Variants in FAM184A observed in about 807,000 individuals in gnomAD.
FAM184A encodes the protein protein FAM184A.
A neutral mutation model predicts 143.8 loss-of-function variants in FAM184A; 99 were observed. The ratio of observed to expected loss-of-function variants is 0.69; its 90% CI spans 0.58 to 0.81. The LOEUF (loss-of-function observed/expected upper bound fraction) is 0.81, where lower values mean the gene tolerates loss of function less well. Among genes scored for constraint, FAM184A ranks in the 40% least tolerant of loss-of-function variants. The probability of loss-of-function intolerance (pLI) is 0.00; values close to 1 mark genes in which losing one functional copy is unlikely to be tolerated. For synonymous variants in FAM184A, 427 were observed against 446.4 expected (o/e 0.96, Z 0.55); for missense variants, 1,217 against 1,310.5 (o/e 0.93, Z 1.10).
At chr6:118,980,753 GA>G (rs2114583029) in intron 9 of FAM184A, among the ~76,000 whole-genome samples, 1 of 152,300 alleles carries the variant, frequency 6.6e-6, no homozygotes, top group East Asian at 1.9e-4. Flanking sequence ...GTAGTAAAGT[GA>G]AATAGGAGTG....
chr6:119,100,079 C>G (rs1004860948), intron 1 of FAM184A, among the ~76,000 whole-genome samples: 2 of 152,134 alleles, frequency 1.3e-5, no homozygotes, highest in African/African-American at 4.8e-5. Context: ...TTGGAGGACA[C>G]CCAGCTGGTA....
At chr6:118,991,836 C>T (rs371731263) in intron 9 of FAM184A, among the ~76,000 whole-genome samples, 1 of 139,500 alleles carries the variant, frequency 7.2e-6, no homozygotes, top group Non-Finnish European at 1.5e-5. Flanking sequence ...GATCTCGGCT[C>T]TCTGCAAGCT....
rs1161845617 is a variant in FAM184A at position 118,979,378 on chromosome 6, T to A, written c.2442A>T (p.Gly814=). The A allele has an allele frequency of 6.2e-7, 1 of 1,610,300 alleles. No individual in the cohort carries two copies. The highest frequency in any genetic ancestry group is 1.3e-5 in the African/African-American group (1 of 74,724). The change falls in exon 11 of 18, where the codon GGA becomes GGT. Residue 814 remains glycine, a synonymous_variant. Coordinates refer to ENST00000338891, the MANE Select transcript of FAM184A (RefSeq NM_024581.6). ...QTLRFELEDE[G]KAMLASLRSE... ...TTTTCAAAATACCAAGCATAGCCTT[T>A]CCTTCATCTTCTAATTCAAACCGAA... is the stretch of plus-strand genomic sequence containing the variant.
At chr6:118,993,005 G>A (rs1015830632) in intron 9 of FAM184A, among the ~76,000 whole-genome samples, 1 of 152,170 alleles carries the variant, frequency 6.6e-6, no homozygotes, top group South Asian at 2.1e-4. Context: ...TGTTATTGCA[G>A]TCCAAGTGAA....
Position 119,078,288 on chromosome 6 carries a change from C to T in FAM184A, c.12G>A (p.Pro4=). 1 of 1,498,140 alleles carries T rather than the reference C, an allele frequency of 6.7e-7. No homozygotes were observed. 92.8% of individuals were successfully genotyped at this position (1,498,140 alleles called of 1,614,324 possible). The change falls in exon 1 of 18, where the codon CCG becomes CCA. Residue 4 remains proline, a synonymous_variant. Coordinates refer to ENST00000338891, the MANE Select transcript of FAM184A (RefSeq NM_024581.6). This position sits in a 1 kb window ranked among gnomAD's most constrained non-coding sequence, Gnocchi z 5.5. The part of the protein sequence containing the change: MAT[P]GMSWQQHYYG... Reference sequence around the variant, plus strand: ...AATAGTGCTGCTGCCAGCTCATGCCCGGGGTCGCCATCTTCCCAACAGACC... The same window carrying T: ...AATAGTGCTGCTGCCAGCTCATGCCTGGGGTCGCCATCTTCCCAACAGACC...
intron 1 of FAM184A, among the ~76,000 whole-genome samples, chr6:119,077,097 T>G (rs1343379781): frequency 6.6e-6 from 1 of 152,180 alleles, no homozygotes; most frequent in Non-Finnish European, 1.5e-5. Flanking sequence ...CTTTTCAACC[T>G]TTTTTCACTC....
intron 1 of FAM184A, among the ~76,000 whole-genome samples, chr6:119,098,039 C>A (rs1156406938): frequency 6.6e-6 from 1 of 152,092 alleles, no homozygotes; most frequent in Admixed American, 6.6e-5. Flanking sequence ...TGTCCACACC[C>A]CAGTCTCATC....
At chr6:119,109,000 A>T (rs1039248977) in intron 1 of FAM184A, among the ~76,000 whole-genome samples, 1 of 150,810 alleles carries the variant, frequency 6.6e-6, no homozygotes, top group Non-Finnish European at 1.5e-5. Flanking sequence ...CAAGCCAAAC[A>T]TCTGCATCCT....
At chr6:118,989,023 A>G (rs1002141576) in intron 9 of FAM184A, among the ~76,000 whole-genome samples, 4 of 136,728 alleles carry the variant, frequency 2.9e-5, no homozygotes, top group Non-Finnish European at 4.5e-5. Context: ...GTGCAGTGGC[A>G]CGATCTCGGC....
intron 1 of FAM184A, among the ~76,000 whole-genome samples, chr6:119,110,381 CTT>C (rs1378770149): frequency 6.6e-6 from 1 of 152,140 alleles, no homozygotes; most frequent in Non-Finnish European, 1.5e-5. Context: ...GAAAGCAAAA[CTT>C]TTGATTTCCA....
At position 118,974,416 on chromosome 6, in the gene FAM184A, AAT is replaced by A. The variant is rs1783785990; in HGVS notation, c.2915+10_2915+11del. On this transcript the variant is annotated intron_variant, in intron 14 of 17. Coordinates refer to ENST00000338891, the MANE Select transcript of FAM184A (RefSeq NM_024581.6). Reference sequence around the variant, plus strand: ...TATCCACATATGAATTTTCTTATATAATATGACTTACGACACTTGTAAAGCGG... The same window carrying A: ...TATCCACATATGAATTTTCTTATATAATGACTTACGACACTTGTAAAGCGG... The A allele has an allele frequency of 6.2e-7, 1 of 1,602,412 alleles. No individual in the cohort carries two copies. Among genetic ancestry groups the A allele is most frequent in the East Asian group, 2.2e-5 (1 of 44,634 alleles).
intron 1 of FAM184A, chr6:119,025,415 T>G (rs775435186): frequency 3.9e-6 from 2 of 517,800 alleles, no homozygotes; most frequent in African/African-American, 1.9e-5. Flanking sequence ...GATCTCTTTA[T>G]AAAATCCAAT....
intron 13 of FAM184A, 47 bp from the exon 14 acceptor site, chr6:118,974,621 C>A: frequency 6.9e-7 from 1 of 1,457,646 alleles, no homozygotes; most frequent in South Asian, 1.3e-5. Context: ...TGAAGTCAAG[C>A]TTTCAAAACT....
At chr6:119,127,062 G>T (rs574222064) in intron 1 of FAM184A, among the ~76,000 whole-genome samples, 42 of 152,286 alleles carry the variant, frequency 2.8e-4, no homozygotes, top group African/African-American at 9.9e-4. Context: ...GATGGTGGGT[G>T]GGACAGGCCA....
intron 1 of FAM184A, among the ~76,000 whole-genome samples, chr6:119,063,323 A>G (rs896123270): frequency 1.3e-5 from 2 of 152,150 alleles, no homozygotes; most frequent in Non-Finnish European, 1.5e-5. Context: ...AAAAAACTTA[A>G]GCACAATAAG....
chr6:119,032,407 G>A (rs1785907895), intron 1 of FAM184A, among the ~76,000 whole-genome samples: 1 of 148,978 alleles, frequency 6.7e-6, no homozygotes, highest in African/African-American at 2.5e-5. Flanking sequence ...AACAGTGACT[G>A]CCAGTCTCAG....
At chr6:119,005,896 T>C (rs1277401452) in intron 7 of FAM184A, 7 of 522,318 alleles carry the variant, frequency 1.3e-5, no homozygotes, top group Non-Finnish European at 2.1e-5. Context: ...TTGCTGTATA[T>C]GAGAGTTCTA....
chr6:119,007,000 G>A (rs1044628494), intron 6 of FAM184A, among the ~76,000 whole-genome samples: 2 of 152,102 alleles, frequency 1.3e-5, no homozygotes, highest in Admixed American at 6.6e-5. Context: ...TATTTCATTT[G>A]AGTCCATATC....
chr6:119,003,751 C>T lies in FAM184A; in HGVS notation c.1816-129G>A, dbSNP rs977245450. ...TCTTACAGCCCAATACTTGATAATG[C>T]TATCTGTGAAAATGACTCAAGATTT... On this transcript the variant is annotated intron_variant, in intron 7 of 17. Transcript: ENST00000338891. 4 of 844,096 alleles carry T rather than the reference C, an allele frequency of 4.7e-6. No individual in the cohort carries two copies. The African/African-American group carries it at 5.3e-5, about 11-fold the overall frequency. 52.3% of individuals were successfully genotyped at this position (844,096 alleles called of 1,614,324 possible). A position where few individuals can be genotyped will look rare whatever the true frequency, so the allele number is the denominator to read the frequency against.
Sources: gnomAD v4.1 joint callset for allele counts (sites outside exome capture counted in the v4.1 genomes callset) on GRCh38, gnomAD v4.1.1 for gene constraint, Gnocchi (gnomAD v3.1) non-coding constraint, MANE v1.5 for transcripts, NCBI Gene and HGNC (gene_info 2026-07-23, HGNC 2026-07-21) for gene names.